The following CSMD3 variants were observed in gnomAD, a reference collection of about 807,000 sequenced individuals.
CSMD3 encodes CUB and Sushi multiple domains 3.
CSMD3 carries 177 observed loss-of-function variants against 435.2 expected under a neutral mutation model. The ratio of observed to expected loss-of-function variants is 0.41; its 90% CI spans 0.36 to 0.46. CSMD3 has a LOEUF of 0.46. Ranked by LOEUF, CSMD3 falls within the 20% of genes least tolerant of loss-of-function variation. CSMD3 has a pLI of 0.34. For synonymous variants in CSMD3, 1,656 were observed against 1,520.5 expected, an observed-to-expected ratio of 1.09 and a Z score of -2.07; for missense variants, 4,265 against 4,504.6, an observed-to-expected ratio of 0.95 and a Z score of 1.52.
At chr8:113,371,517 A>T (rs1183717704) in intron 1 of CSMD3, among the ~76,000 whole-genome samples, 1 of 152,102 alleles carries the variant, frequency 6.6e-6, no homozygotes, top group East Asian at 1.9e-4. Flanking sequence ...ATTTTATCCA[A>T]ATTAAGTTTA....
chr8:113,353,740 C>T (rs2094204308), intron 1 of CSMD3, among the ~76,000 whole-genome samples: 1 of 152,114 alleles, frequency 6.6e-6, no homozygotes, highest in Non-Finnish European at 1.5e-5. Context: ...TTCACACTTA[C>T]TGAAGAGGAC....
intron 1 of CSMD3, among the ~76,000 whole-genome samples, chr8:113,399,106 T>TATATATATATATATACACACACAC (rs773585004): frequency 1.8e-4 from 17 of 95,056 alleles, no homozygotes; most frequent in African/African-American, 5.0e-4. Context: ...TATATATATA[T>TATATATATATATATACACACACAC]ACACACACAC....
intron 3 of CSMD3, among the ~76,000 whole-genome samples, chr8:113,195,759 GAT>G (rs1327194929): frequency 7.3e-6 from 1 of 136,960 alleles, no homozygotes; most frequent in Non-Finnish European, 1.6e-5. Context: ...CTTTTACTTG[GAT>G]ACATATATAT....
At chr8:112,666,870 A>G (rs2075539300) in intron 16 of CSMD3, among the ~76,000 whole-genome samples, 1 of 152,038 alleles carries the variant, frequency 6.6e-6, no homozygotes, top group Admixed American at 6.6e-5. Flanking sequence ...TCAGCTTTTT[A>G]CCTTATTTCT....
chr8:112,913,514 C>T (rs1021541504), intron 10 of CSMD3, among the ~76,000 whole-genome samples: 2 of 151,874 alleles, frequency 1.3e-5, no homozygotes, highest in African/African-American at 4.8e-5. Context: ...TAGCTCTTAG[C>T]ATAGAATTTA....
At chr8:112,776,857 T>C (rs1228492546) in intron 13 of CSMD3, among the ~76,000 whole-genome samples, 1 of 151,748 alleles carries the variant, frequency 6.6e-6, no homozygotes, top group East Asian at 1.9e-4. Context: ...GTTGATTCAC[T>C]CGTGTGTAAA....
chr8:113,020,844 T>G (rs1353746794), intron 5 of CSMD3, among the ~76,000 whole-genome samples: 1 of 152,124 alleles, frequency 6.6e-6, no homozygotes, highest in East Asian at 1.9e-4. Flanking sequence ...AATCTGTCAT[T>G]GTATATGTAA....
intron 9 of CSMD3, among the ~76,000 whole-genome samples, chr8:112,928,847 C>G (rs1375782872): frequency 2.7e-5 from 4 of 147,904 alleles, no homozygotes; most frequent in African/African-American, 9.9e-5. Flanking sequence ...GTTCTAGATC[C>G]CTGAGGAATC....
chr8:112,728,420 T>G (rs2077010067), intron 13 of CSMD3, among the ~76,000 whole-genome samples: 1 of 152,026 alleles, frequency 6.6e-6, no homozygotes, highest in South Asian at 2.1e-4. Context: ...GGTTAATTGT[T>G]AGAAACAAAA....
intron 32 of CSMD3, among the ~76,000 whole-genome samples, chr8:112,456,778 A>G (rs986447996): frequency 6.6e-6 from 1 of 152,100 alleles, no homozygotes; most frequent in African/African-American, 2.4e-5. Flanking sequence ...TTATATAGCT[A>G]TAAATTTTGT....
intron 5 of CSMD3, among the ~76,000 whole-genome samples, chr8:113,081,194 A>G (rs28736297): frequency 0.013 from 2,021 of 152,290 alleles, 52 homozygotes; most frequent in African/African-American, 0.046. Flanking sequence ...GGGTGGCTTT[A>G]AATAATAGAA....
At chr8:112,600,782 A>T (rs917848839) in intron 22 of CSMD3, among the ~76,000 whole-genome samples, 1 of 151,236 alleles carries the variant, frequency 6.6e-6, no homozygotes, top group Non-Finnish European at 1.5e-5. Context: ...AGTTCACGCC[A>T]TTCTCCTGCC....
At chr8:113,401,998 C>T (rs1438392159) in intron 1 of CSMD3, among the ~76,000 whole-genome samples, 3 of 151,424 alleles carry the variant, frequency 2.0e-5, no homozygotes, top group Non-Finnish European at 3.0e-5. Flanking sequence ...ACACATTTCT[C>T]TGAATGTGTC....
At chr8:113,029,739 C>T (rs931885295) in intron 5 of CSMD3, among the ~76,000 whole-genome samples, 1 of 151,486 alleles carries the variant, frequency 6.6e-6, no homozygotes, top group African/African-American at 2.4e-5. Context: ...CCACTCTCAC[C>T]ACTCCTCTTC....
chr8:112,353,319 G>A lies in CSMD3; in HGVS notation c.6137-785C>T, dbSNP rs1434203721. 3.9e-5 allele frequency among the ~76,000 whole-genome samples: 6 copies of A among 152,212 alleles called. No homozygotes were observed. The East Asian group carries it at 7.7e-4, about 20-fold the overall frequency. On this transcript the variant is annotated intron_variant, in intron 38 of 70. Transcript: ENST00000297405. ...GCAGGAGAATTGCTTGAACCCAGGA[G>A]GCGGAGGTTGCAGTGAGCTGAGATC...
chr8:112,346,221 A>G lies in CSMD3; in HGVS notation c.6326-8T>C. 1.3e-6 allele frequency: 2 copies of G among 1,523,348 alleles called. No individual in the cohort carries two copies. Among genetic ancestry groups the G allele is most frequent in the African/African-American group, 1.4e-5 (1 of 73,282 alleles). The allele number at this position is 1,523,348 out of a possible 1,614,324, so 94.4% of individuals were successfully genotyped here. On this transcript the variant is annotated splice_polypyrimidine_tract_variant and splice_region_variant and intron_variant, in intron 40 of 70. Transcript: ENST00000297405. The stretch of plus-strand genomic sequence containing the variant: ...TAGCACCACCACACTGAGCTGCAAA[A>G]TAACAGAAATCCAAAGTAAACCAGA...
chr8:112,810,277 T>G (rs1326599412), intron 12 of CSMD3, among the ~76,000 whole-genome samples: 1 of 152,152 alleles, frequency 6.6e-6, no homozygotes, highest in Non-Finnish European at 1.5e-5. Flanking sequence ...AAGTAACTAA[T>G]ATGTGTCTAA....
intron 32 of CSMD3, among the ~76,000 whole-genome samples, chr8:112,446,057 A>G (rs896355876): frequency 6.6e-6 from 1 of 152,198 alleles, no homozygotes; most frequent in Admixed American, 6.5e-5. Context: ...AATATTTTCT[A>G]TATTTTATTC....
At chr8:112,988,274 T>G (rs1161684392) in intron 6 of CSMD3, among the ~76,000 whole-genome samples, 3 of 152,200 alleles carry the variant, frequency 2.0e-5, no homozygotes, top group Non-Finnish European at 2.9e-5. Flanking sequence ...CAAATGTATT[T>G]GAATTTAAGA....
Sources: allele counts gnomAD v4.1 joint callset (sites outside exome capture counted in the v4.1 genomes callset), GRCh38; gene constraint gnomAD v4.1.1; transcripts MANE v1.5; gene names NCBI Gene and HGNC (gene_info 2026-07-23, HGNC 2026-07-21).